Variants in KIAA1217 observed in about 807,000 individuals in gnomAD.
KIAA1217 encodes the protein KIAA1217.
In KIAA1217, 88 loss-of-function variants were observed where a neutral mutation model predicts 163.9. The ratio of observed to expected loss-of-function variants is 0.54; its 90% confidence interval spans 0.45 to 0.64. KIAA1217 has a LOEUF of 0.64. KIAA1217 is among the 30% of genes least tolerant of loss of function. KIAA1217 has a pLI of 0.00. For missense variants in KIAA1217, 2,372 were observed against 2,475.0 expected, an observed-to-expected ratio of 0.96 and a Z score of 0.88; for synonymous variants, 903 against 923.1, an observed-to-expected ratio of 0.98 and a Z score of 0.39.
At chr10:23,913,634 G>A (rs879171597) in intron 1 of KIAA1217, among the ~76,000 whole-genome samples, 1 of 152,098 alleles carries the variant, frequency 6.6e-6, no homozygotes, top group Non-Finnish European at 1.5e-5. Context: ...GGTTGTTGGG[G>A]CACCAGGCAG....
intron 1 of KIAA1217, among the ~76,000 whole-genome samples, chr10:23,841,197 G>A (rs1480397673): frequency 6.6e-6 from 1 of 152,116 alleles, no homozygotes; most frequent in Non-Finnish European, 1.5e-5. Flanking sequence ...CAATTTCTAT[G>A]AAAAAGTGAT....
chr10:24,048,413 C>T (rs557658400), intron 2 of KIAA1217, among the ~76,000 whole-genome samples: 1 of 152,310 alleles, frequency 6.6e-6, no homozygotes, highest in Admixed American at 6.5e-5. Flanking sequence ...TAGAGTTTTC[C>T]ATTTCTTGAC....
chr10:24,367,696 A>C (rs1262535618), intron 2 of KIAA1217, among the ~76,000 whole-genome samples: 2 of 152,190 alleles, frequency 1.3e-5, no homozygotes, highest in Non-Finnish European at 2.9e-5. Flanking sequence ...ACTTATATAC[A>C]TTTTAATAAT....
At chr10:24,310,397 A>G (rs2042552774) in intron 2 of KIAA1217, among the ~76,000 whole-genome samples, 2 of 152,238 alleles carry the variant, frequency 1.3e-5, no homozygotes, top group Non-Finnish European at 2.9e-5. Context: ...GATAAGATGA[A>G]TGACCACGAC....
intron 3 of KIAA1217, among the ~76,000 whole-genome samples, chr10:24,385,855 C>T (rs910449319): frequency 2.0e-5 from 3 of 152,144 alleles, no homozygotes; most frequent in Admixed American, 6.6e-5. Flanking sequence ...GAAAAATGGT[C>T]GGGCTGATAT....
intron 1 of KIAA1217, among the ~76,000 whole-genome samples, chr10:23,821,865 C>G (rs910170580): frequency 6.6e-6 from 1 of 152,164 alleles, no homozygotes; most frequent in African/African-American, 2.4e-5. Flanking sequence ...TTTCGGCCAT[C>G]AGGATCACTG....
chr10:24,127,232 A>G (rs2063500561), intron 2 of KIAA1217, among the ~76,000 whole-genome samples: 1 of 152,108 alleles, frequency 6.6e-6, no homozygotes, highest in South Asian at 2.1e-4. Flanking sequence ...AATGCCTTAC[A>G]GTATAACCTT....
intron 2 of KIAA1217, among the ~76,000 whole-genome samples, chr10:24,200,820 C>T (rs1422975396): frequency 6.6e-6 from 1 of 152,070 alleles, no homozygotes; most frequent in Non-Finnish European, 1.5e-5. Flanking sequence ...CTGCCTTTCT[C>T]AGAAGGGGCC....
chr10:24,359,207 AG>A (rs1435651005), intron 2 of KIAA1217, among the ~76,000 whole-genome samples: 5 of 150,942 alleles, frequency 3.3e-5, no homozygotes, highest in African/African-American at 1.2e-4. Flanking sequence ...CTCGTGCCTC[AG>A]CCTCCCAAGT....
intron 1 of KIAA1217, among the ~76,000 whole-genome samples, chr10:23,924,557 G>A (rs1842955893): frequency 6.6e-6 from 1 of 152,142 alleles, no homozygotes; most frequent in African/African-American, 2.4e-5. Context: ...TATTTGTCCT[G>A]TCAGATGAGC....
At chr10:24,389,400 G>A (rs1261824252) in intron 3 of KIAA1217, among the ~76,000 whole-genome samples, 1 of 152,006 alleles carries the variant, frequency 6.6e-6, no homozygotes, top group African/African-American at 2.4e-5. Flanking sequence ...GGGGCCTGTG[G>A]TGGGGTGGGG....
At chr10:24,143,567 A>G (rs886254926) in intron 2 of KIAA1217, among the ~76,000 whole-genome samples, 2 of 152,114 alleles carry the variant, frequency 1.3e-5, no homozygotes, top group Non-Finnish European at 2.9e-5. Flanking sequence ...CCGACCTAGT[A>G]TCCACTTTTT....
At chr10:24,027,624 A>G (rs938075382) in intron 2 of KIAA1217, among the ~76,000 whole-genome samples, 2 of 152,172 alleles carry the variant, frequency 1.3e-5, no homozygotes, top group Non-Finnish European at 2.9e-5. Context: ...AAAACACATT[A>G]TTTAATACCT....
rs1229370789 is a variant in KIAA1217, at chr10:23,704,172, G to GTGTGTGTATATATA, written c.-321+8939_-321+8940insGTGTGTATATATAT. On this transcript the variant is annotated intron_variant, in intron 1 of 18. Coordinates refer to the KIAA1217 transcript ENST00000376462. The stretch of plus-strand genomic sequence containing the variant: ...TGTGTGTGTGTGTGTGTGTGTGTGT[G>GTGTGTGTATATATA]TATATATATATATATATATATATAT... Among the ~76,000 whole-genome samples the GTGTGTGTATATATA allele has an allele frequency of 3.4e-3, 136 of 39,912 alleles. 1 individual carries two copies. The highest frequency in any genetic ancestry group is 4.3e-3 in the African/African-American group (32 of 7,472). 26.2% of individuals were successfully genotyped at this position (39,912 alleles called of 152,430 possible).
chr10:24,387,141 T>C (rs976681782), intron 3 of KIAA1217, among the ~76,000 whole-genome samples: 2 of 152,154 alleles, frequency 1.3e-5, no homozygotes, highest in East Asian at 1.9e-4. Context: ...TGAACATTGA[T>C]GCAAAAATTC....
intron 2 of KIAA1217, among the ~76,000 whole-genome samples, chr10:24,223,275 C>T (rs1590023340): frequency 6.6e-6 from 1 of 152,246 alleles, no homozygotes; most frequent in Middle Eastern, 3.4e-3. Context: ...CTGTCATTGC[C>T]CTTCTGCAAG....
intron 3 of KIAA1217, among the ~76,000 whole-genome samples, chr10:24,424,318 G>A (rs1271810546): frequency 6.6e-6 from 1 of 150,988 alleles, no homozygotes; most frequent in Non-Finnish European, 1.5e-5. Context: ...GAAACAAAAT[G>A]TCAGCTGGTG....
chr10:24,245,420 A>G (rs1205536316), intron 2 of KIAA1217, among the ~76,000 whole-genome samples: 1 of 152,186 alleles, frequency 6.6e-6, no homozygotes, highest in African/African-American at 2.4e-5. Context: ...GCAGTGTGAC[A>G]CTGTAGACTT....
intron 1 of KIAA1217, among the ~76,000 whole-genome samples, chr10:23,700,395 C>T (rs1836359105): frequency 6.6e-6 from 1 of 152,092 alleles, no homozygotes; most frequent in Admixed American, 6.6e-5. Context: ...TTGTACCACC[C>T]CCAAAGTCTA....
Sources: allele counts gnomAD v4.1 joint callset (sites outside exome capture counted in the v4.1 genomes callset), GRCh38; gene constraint gnomAD v4.1.1; transcripts MANE v1.5; gene names NCBI Gene and HGNC (gene_info 2026-07-23, HGNC 2026-07-21).